Variants in ACACA observed in about 807,000 individuals in gnomAD.
The protein encoded by ACACA is acetyl-CoA carboxylase 1.
In ACACA, 103 loss-of-function variants were observed where a neutral mutation model predicts 296.1. The ratio of observed to expected loss-of-function variants is 0.35; its 90% CI spans 0.30 to 0.41. The LOEUF is 0.41. Among genes scored for constraint, ACACA ranks in the 10% least tolerant of loss-of-function variants. ACACA has a pLI of 1.00. For synonymous variants in ACACA, 953 were observed against 1,038.6 expected (o/e 0.92, Z 1.58); for missense variants, 1,554 against 2,989.7 (o/e 0.52, Z 11.20).
chr17:37,390,189 A>C (rs2050748294), intron 1 of ACACA, among the ~76,000 whole-genome samples: 1 of 67,966 alleles, frequency 1.5e-5, no homozygotes, highest in Non-Finnish European at 2.5e-5. Context: ...CACACACATT[A>C]TATATAAATA....
chr17:37,173,432 T>A (rs2076948986), intron 41 of ACACA, among the ~76,000 whole-genome samples: 2 of 152,084 alleles, frequency 1.3e-5, no homozygotes, highest in South Asian at 4.1e-4. Context: ...TAGGCTTATA[T>A]AAGCTTACCA....
intron 45 of ACACA, among the ~76,000 whole-genome samples, chr17:37,146,307 G>T (rs977761210): frequency 1.3e-5 from 2 of 152,078 alleles, no homozygotes; most frequent in Non-Finnish European, 2.9e-5. Context: ...GAAAATGCAT[G>T]TCTCTTCAGC....
intron 41 of ACACA, among the ~76,000 whole-genome samples, chr17:37,167,444 A>G (rs1272697674): frequency 6.7e-6 from 1 of 150,334 alleles, no homozygotes; most frequent in Non-Finnish European, 1.5e-5. Flanking sequence ...TCAGCCTCCC[A>G]AGTAACTAGG....
intron 1 of ACACA, among the ~76,000 whole-genome samples, chr17:37,401,649 T>C (rs894902453): frequency 2.0e-5 from 3 of 151,324 alleles, no homozygotes; most frequent in Non-Finnish European, 2.9e-5. Context: ...GCCTCAACTG[T>C]CTGAGCTCAA....
chr17:37,400,593 C>T (rs2051246627), intron 1 of ACACA, among the ~76,000 whole-genome samples: 1 of 152,072 alleles, frequency 6.6e-6, no homozygotes, highest in African/African-American at 2.4e-5. Context: ...TTTTAGATGC[C>T]ACACATAAGT....
At chr17:37,100,525 C>T (rs1409311327) in intron 52 of ACACA, among the ~76,000 whole-genome samples, 1 of 149,380 alleles carries the variant, frequency 6.7e-6, no homozygotes, top group Admixed American at 6.7e-5. Context: ...ATGTGAAAAA[C>T]ATGAAAAACA....
chr17:37,282,374 G>C (rs939379987), intron 5 of ACACA, among the ~76,000 whole-genome samples: 1 of 152,156 alleles, frequency 6.6e-6, no homozygotes, highest in Non-Finnish European at 1.5e-5. Context: ...GTAGAATTGT[G>C]AGCCAATTAA....
intron 50 of ACACA, among the ~76,000 whole-genome samples, chr17:37,116,954 T>C (rs1418402442): frequency 6.6e-6 from 1 of 152,188 alleles, no homozygotes; most frequent in African/African-American, 2.4e-5. Flanking sequence ...AAAATACTGA[T>C]AGGTTCCTCA....
rs745523042 is a variant in ACACA at position 37,192,080 on chromosome 17, C to T, written c.4416+10G>A. 1.2e-6 allele frequency: 2 copies of T among 1,613,542 alleles called. No individual in the cohort carries two copies. The highest frequency in any genetic ancestry group is 2.2e-5 in the East Asian group (1 of 44,866). ...TCAGGGATAACATCCCATTAAAGTA[C>T]AGCACCCACCTTGGTGACCAGATCA... On this transcript the variant is annotated intron_variant, in intron 37 of 55. Transcript: ENST00000616317.
At chr17:37,325,604 T>TTTG (rs2047580034) in intron 3 of ACACA, among the ~76,000 whole-genome samples, 1 of 140,350 alleles carries the variant, frequency 7.1e-6, no homozygotes, top group Admixed American at 7.2e-5. Context: ...TTTTTTTTTT[T>TTTG]GCTCTGTTGC....
At chr17:37,230,014 T>C (rs1383494838) in intron 25 of ACACA, among the ~76,000 whole-genome samples, 1 of 151,864 alleles carries the variant, frequency 6.6e-6, no homozygotes, top group East Asian at 1.9e-4. Context: ...TGAGCTGAGA[T>C]TGCGTCATTG....
At chr17:37,286,601 G>A (rs937051929) in intron 3 of ACACA, among the ~76,000 whole-genome samples, 1 of 152,194 alleles carries the variant, frequency 6.6e-6, no homozygotes, top group Admixed American at 6.5e-5. Context: ...TGCTCCAGCT[G>A]TAACAGAGAC....
chr17:37,192,111 C>T lies in ACACA; in HGVS notation c.4395G>A (p.Arg1465=), dbSNP rs2077784804. The T allele has an allele frequency of 1.9e-6, 3 of 1,614,016 alleles. No individual in the cohort carries two copies. Among genetic ancestry groups the T allele is most frequent in the Non-Finnish European group, 2.5e-6 (3 of 1,179,994 alleles). ...CCACCTTGGTGACCAGATCAGAATGCCTGATGATTGCACGAACAAAGAACC... is the reference window on the plus strand; with the variant it reads ...CCACCTTGGTGACCAGATCAGAATGTCTGATGATTGCACGAACAAAGAACC... ...DYRFFVRAII[R]HSDLVTKEAS... Residue 1465 remains arginine (R), a synonymous_variant, in exon 37 of 56, where the codon AGG becomes AGA. Transcript: ENST00000616317.
At chr17:37,404,183 G>A (rs908639449) in intron 1 of ACACA, among the ~76,000 whole-genome samples, 5 of 152,146 alleles carry the variant, frequency 3.3e-5, no homozygotes, top group Non-Finnish European at 5.9e-5. Context: ...ATGACATCCA[G>A]ATCTGGATAT....
At chr17:37,244,492 T>C in intron 21 of ACACA, 96 bp downstream of exon 21, 1 of 1,494,102 alleles carries the variant, frequency 6.7e-7, no homozygotes, top group Non-Finnish European at 9.3e-7. Context: ...CAGCTTTCTT[T>C]TCCTCCCTCT....
At chr17:37,187,658 G>C (rs755777545) in intron 39 of ACACA, among the ~76,000 whole-genome samples, 5 of 152,162 alleles carry the variant, frequency 3.3e-5, no homozygotes, top group Non-Finnish European at 5.9e-5. Flanking sequence ...ACCTGAAAAC[G>C]GGTTTAAATT....
intron 1 of ACACA, among the ~76,000 whole-genome samples, chr17:37,399,398 C>T (rs2051207018): frequency 6.6e-6 from 1 of 152,166 alleles, no homozygotes; most frequent in South Asian, 2.1e-4. Context: ...ATATTCCAAG[C>T]ATTTATTGGG....
chr17:37,218,166 AAG>A (rs2079119946), intron 29 of ACACA, among the ~76,000 whole-genome samples: 1 of 150,894 alleles, frequency 6.6e-6, no homozygotes. Context: ...AAAAAAAAAA[AAG>A]AGGGCTCAGT....
chr17:37,276,119 T>C, intron 7 of ACACA, 70 bp from the exon 8 acceptor site: 1 of 1,119,766 alleles, frequency 8.9e-7, no homozygotes, highest in South Asian at 1.2e-5. Flanking sequence ...TGTAGTTGCC[T>C]TGTATTATAG....
Sources: gnomAD v4.1 joint callset for allele counts (sites outside exome capture counted in the v4.1 genomes callset) on GRCh38, gnomAD v4.1.1 for gene constraint, MANE v1.5 for transcripts, NCBI Gene and HGNC (gene_info 2026-07-23, HGNC 2026-07-21) for gene names.